FAM227B: variants seen among roughly 807,000 people sequenced by gnomAD.
The protein encoded by FAM227B is family with sequence similarity 227 member B, also known as protein FAM227B.
FAM227B carries 88 observed loss-of-function variants against 73.8 expected under a neutral mutation model. That is an observed-to-expected ratio of 1.19 (90% confidence interval 1.00 to 1.42). The LOEUF (loss-of-function observed/expected upper bound fraction) is 1.42, where lower values mean the gene tolerates loss of function less well. Ranked by LOEUF, FAM227B falls within the 40% of genes most tolerant of loss-of-function variation. The pLI, the probability that FAM227B is intolerant of heterozygous loss-of-function variation, is 0.00. For synonymous variants in FAM227B, 210 were observed against 190.5 expected, an observed-to-expected ratio of 1.10 and a Z score of -0.84; for missense variants, 632 against 590.9, an observed-to-expected ratio of 1.07 and a Z score of -0.72.
At chr15:49,436,956 C>A (rs2051160825) in intron 11 of FAM227B, among the ~76,000 whole-genome samples, 1 of 151,580 alleles carries the variant, frequency 6.6e-6, no homozygotes, top group Non-Finnish European at 1.5e-5. Context: ...CTCCAAGTTT[C>A]CTTGTACAAA....
At chr15:49,554,929 C>G (rs1013467056) in intron 9 of FAM227B, among the ~76,000 whole-genome samples, 1 of 152,046 alleles carries the variant, frequency 6.6e-6, no homozygotes, top group Non-Finnish European at 1.5e-5. Context: ...TTTCTGTTTG[C>G]TAGGTGGATT....
At chr15:49,373,362 T>C (rs192953021) in intron 11 of FAM227B, among the ~76,000 whole-genome samples, 11 of 152,238 alleles carry the variant, frequency 7.2e-5, no homozygotes, top group East Asian at 3.9e-4. Context: ...CTACATATGA[T>C]GACTAATCAA....
At chr15:49,582,527 C>G (rs1445250192) in intron 5 of FAM227B, among the ~76,000 whole-genome samples, 1 of 152,130 alleles carries the variant, frequency 6.6e-6, no homozygotes, top group Admixed American at 6.6e-5. Context: ...CACAGTAATA[C>G]TGGAAGACTT....
intron 13 of FAM227B, among the ~76,000 whole-genome samples, chr15:49,340,403 G>GGC (rs1428334977): frequency 1.1e-5 from 1 of 94,380 alleles, no homozygotes; most frequent in Non-Finnish European, 2.2e-5. Flanking sequence ...GCAGTGCCCC[G>GGC]CCCCCCCCCT....
At chr15:49,553,029 C>T (rs2073217760) in intron 9 of FAM227B, among the ~76,000 whole-genome samples, 1 of 152,084 alleles carries the variant, frequency 6.6e-6, no homozygotes, top group South Asian at 2.1e-4. Flanking sequence ...AGTTGATGTT[C>T]TTTGGTGTCT....
chr15:49,504,789 G>A (rs751011689), intron 11 of FAM227B, among the ~76,000 whole-genome samples: 1 of 151,978 alleles, frequency 6.6e-6, no homozygotes, highest in Non-Finnish European at 1.5e-5. Context: ...TGAGCCAATT[G>A]AGCCTCTTTT....
chr15:49,396,178 AC>A (rs2047595182), intron 11 of FAM227B: 1 of 352,090 alleles, frequency 2.8e-6, no homozygotes, highest in African/African-American at 2.2e-5. Flanking sequence ...GCATTGCCTC[AC>A]TTGGGAAGCG....
intron 5 of FAM227B, among the ~76,000 whole-genome samples, chr15:49,581,617 G>T (rs2075818998): frequency 6.6e-6 from 1 of 152,008 alleles, no homozygotes; most frequent in Admixed American, 6.6e-5. Flanking sequence ...GTACCCAGAT[G>T]TATTCAGTAT....
At chr15:49,620,321 G>A (rs1388180335) in intron 1 of FAM227B, 1 of 152,116 alleles carries the variant, frequency 6.6e-6, no homozygotes, top group Non-Finnish European at 1.5e-5. Flanking sequence ...TCTACCACTT[G>A]ATAAATTCAG....
chr15:49,336,950 T>C lies in FAM227B; in HGVS notation c.1272-1454A>G, dbSNP rs535683683. Reference sequence around the variant, plus strand: ...TTAGCTCCCACTTACAGTTAGAACATGTGGTATTTGGTGTTATTTACTTAG... The same window carrying C: ...TTAGCTCCCACTTACAGTTAGAACACGTGGTATTTGGTGTTATTTACTTAG... On this transcript the variant is annotated intron_variant, in intron 13 of 15. Coordinates refer to ENST00000299338, the MANE Select transcript of FAM227B (RefSeq NM_152647.3). Among the ~76,000 whole-genome samples the C allele has an allele frequency of 9.4e-4, 143 of 152,324 alleles. 5 individuals carry two copies. In the South Asian group the frequency reaches 0.028, roughly 30 times the overall value.
chr15:49,475,152 T>C (rs2151981400), intron 11 of FAM227B, among the ~76,000 whole-genome samples: 1 of 152,292 alleles, frequency 6.6e-6, no homozygotes, highest in South Asian at 2.1e-4. Flanking sequence ...CGGTAGTGTA[T>C]GATTAGTGAA....
At chr15:49,467,863 C>T (rs567988781) in intron 11 of FAM227B, among the ~76,000 whole-genome samples, 1 of 152,026 alleles carries the variant, frequency 6.6e-6, no homozygotes, top group Non-Finnish European at 1.5e-5. Context: ...ATAAGGAAAA[C>T]GATCAGTAAA....
chr15:49,499,098 G>A (rs1200340936), intron 11 of FAM227B, among the ~76,000 whole-genome samples: 45 of 145,570 alleles, frequency 3.1e-4, no homozygotes, highest in African/African-American at 6.6e-4. Flanking sequence ...CCCGGGAGGC[G>A]GAGCTTGCAG....
intron 11 of FAM227B, among the ~76,000 whole-genome samples, chr15:49,468,398 TGTG>T (rs2054452214): frequency 6.6e-6 from 1 of 152,174 alleles, no homozygotes; most frequent in Admixed American, 6.5e-5. Flanking sequence ...TTTATCTACT[TGTG>T]TTTCTTTCTT....
chr15:49,556,275 T>G (rs2073669589), intron 9 of FAM227B, among the ~76,000 whole-genome samples: 1 of 151,870 alleles, frequency 6.6e-6, no homozygotes, highest in African/African-American at 2.4e-5. Flanking sequence ...TTGTCAGGGG[T>G]TTAATTGTTG....
chr15:49,611,215 C>T lies in FAM227B; in HGVS notation c.105G>A (p.Trp35Ter), dbSNP rs2077893619. 4 of 1,575,714 alleles carry T rather than the reference C, an allele frequency of 2.5e-6. No individual in the cohort carries two copies. The highest frequency in any genetic ancestry group is 1.7e-5 in the Admixed American group (1 of 59,402). Reference protein sequence around the residue: ...SIEEFLKFQNWDYWPREIHFR... With the variant: ...SIEEFLKFQN ...ACATAAAATAAGATGCTTTACTCAC[C>T]CAATTTTGAAACTTTAAGAATTCTT... The change falls in exon 3 of 16, where the codon TGG (tryptophan) becomes TGA (stop). Residue 35 changes from tryptophan to a stop codon, truncating the protein, a stop_gained and splice_region_variant. Transcript: ENST00000299338. LOFTEE classifies it high-confidence loss of function.
intron 12 of FAM227B, among the ~76,000 whole-genome samples, chr15:49,370,877 T>C (rs1165538011): frequency 6.6e-6 from 1 of 152,190 alleles, no homozygotes; most frequent in Non-Finnish European, 1.5e-5. Context: ...AGAGTAACAG[T>C]ATCTACATGT....
At chr15:49,488,139 T>C (rs1361157764) in intron 11 of FAM227B, 1 of 152,010 alleles carries the variant, frequency 6.6e-6, no homozygotes, top group Non-Finnish European at 1.5e-5. Context: ...GGGTATCATT[T>C]CTATGATCAC....
intron 11 of FAM227B, among the ~76,000 whole-genome samples, chr15:49,375,223 C>G (rs2099141): frequency 0.42 from 63,138 of 151,972 alleles, 13,271 homozygotes; most frequent in African/African-American, 0.43. Context: ...GAAGTGTATA[C>G]TTATGTAGAT....
Sources: gnomAD v4.1 joint callset for allele counts (sites outside exome capture counted in the v4.1 genomes callset) on GRCh38, gnomAD v4.1.1 for gene constraint, MANE v1.5 for transcripts, NCBI Gene and HGNC (gene_info 2026-07-23, HGNC 2026-07-21) for gene names.